The following CCDC88A variants were observed in gnomAD, a reference collection of about 807,000 sequenced individuals.
CCDC88A encodes the protein coiled-coil and HOOK domain protein 88A.
A neutral mutation model predicts 234.3 loss-of-function variants in CCDC88A; 54 were observed. That is an observed-to-expected ratio of 0.23 (90% CI 0.19 to 0.29). The LOEUF (loss-of-function observed/expected upper bound fraction) is 0.29, where lower values mean the gene tolerates loss of function less well. Among genes scored for constraint, CCDC88A ranks in the 10% least tolerant of loss-of-function variants. CCDC88A has a pLI of 1.00. For missense variants in CCDC88A, 1,832 were observed against 2,123.4 expected (o/e 0.86, Z 2.70); for synonymous variants, 753 against 737.8 (o/e 1.02, Z -0.33).
chr2:55,359,535 C>A (rs945397458), intron 7 of CCDC88A, among the ~76,000 whole-genome samples: 2 of 151,254 alleles, frequency 1.3e-5, no homozygotes, highest in African/African-American at 2.4e-5. Context: ...AATAATCTGA[C>A]GGGAAATGTT....
At chr2:55,376,268 A>G (rs758439109) in intron 3 of CCDC88A, among the ~76,000 whole-genome samples, 1 of 152,216 alleles carries the variant, frequency 6.6e-6, no homozygotes, top group East Asian at 1.9e-4. Context: ...ATATTAAGGA[A>G]TAACTATGAC....
At chr2:55,410,080 C>A (rs917845366) in intron 2 of CCDC88A, among the ~76,000 whole-genome samples, 12 of 152,106 alleles carry the variant, frequency 7.9e-5, no homozygotes, top group African/African-American at 2.7e-4. Flanking sequence ...GTGCCCAGAA[C>A]TTTGCAATTT....
chr2:55,349,288 T>C, intron 9 of CCDC88A: 1 of 489,636 alleles, frequency 2.0e-6, no homozygotes, highest in Non-Finnish European at 3.6e-6. Flanking sequence ...ACCTCAGTCC[T>C]AAGTAGCTCT....
intron 2 of CCDC88A, among the ~76,000 whole-genome samples, chr2:55,412,592 G>A (rs139571875): frequency 1.3e-5 from 2 of 152,134 alleles, no homozygotes; most frequent in African/African-American, 4.8e-5. Flanking sequence ...GATGATCTGA[G>A]GTAGAACAGT....
intron 2 of CCDC88A, among the ~76,000 whole-genome samples, chr2:55,414,128 A>G (rs1231294895): frequency 6.6e-6 from 1 of 152,218 alleles, no homozygotes; most frequent in Non-Finnish European, 1.5e-5. Context: ...GTTGAATCAT[A>G]AATAATAATT....
At chr2:55,400,188 G>T (rs1415375787) in intron 2 of CCDC88A, among the ~76,000 whole-genome samples, 1 of 151,942 alleles carries the variant, frequency 6.6e-6, no homozygotes, top group Non-Finnish European at 1.5e-5. Context: ...TTTTTATCAG[G>T]CTCTTTTTGA....
chr2:55,308,739 A>G (rs1681958764), intron 25 of CCDC88A, 70 bp downstream of exon 25: 2 of 1,113,032 alleles, frequency 1.8e-6, no homozygotes, highest in Non-Finnish European at 2.7e-6. Context: ...CCAAAGGACT[A>G]CTGAAGTTTT....
intron 17 of CCDC88A, among the ~76,000 whole-genome samples, chr2:55,326,558 G>T (rs1321837194): frequency 6.6e-6 from 1 of 152,154 alleles, no homozygotes; most frequent in Non-Finnish European, 1.5e-5. Context: ...AGCTGAAAGT[G>T]GAAGTCAATG....
Position 55,384,661 on chromosome 2 carries a change from A to T in CCDC88A, c.273+4117T>A, listed in dbSNP as rs13000605. On this transcript the variant is annotated intron_variant, in intron 3 of 32. Coordinates refer to ENST00000436346, the MANE Select transcript of CCDC88A (RefSeq NM_001365480.1). The stretch of plus-strand genomic sequence containing the variant: ...TATGTGTATATATACATATATATAT[A>T]TATATATTTTTTAAAGACAGAGTCT... 3.6e-5 allele frequency among the ~76,000 whole-genome samples: 4 copies of T among 110,720 alleles called. 1 individual carries two copies. Among genetic ancestry groups the T allele is most frequent in the African/African-American group, 1.8e-4 (4 of 21,626 alleles). 72.6% of individuals were successfully genotyped at this position (110,720 alleles called of 152,430 possible).
chr2:55,297,203 C>A (rs1680145683), intron 29 of CCDC88A: 1 of 138,178 alleles, frequency 7.2e-6, no homozygotes, highest in Non-Finnish European at 1.5e-5. Context: ...TAAAATGCCT[C>A]ACAATTTAGG....
At chr2:55,404,375 G>C (rs1027809442) in intron 2 of CCDC88A, 2 of 152,112 alleles carry the variant, frequency 1.3e-5, no homozygotes, top group Non-Finnish European at 2.9e-5. Context: ...CTATTAGTGA[G>C]AGTAGAATAA....
chr2:55,338,383 C>A (rs192389329), intron 13 of CCDC88A, among the ~76,000 whole-genome samples: 16 of 152,334 alleles, frequency 1.1e-4, no homozygotes, highest in African/African-American at 3.6e-4. Flanking sequence ...GATTCCAGGA[C>A]AGCAGGATGA....
chr2:55,362,530 C>A, intron 6 of CCDC88A, 82 bp from the exon 7 acceptor site: 1 of 1,166,668 alleles, frequency 8.6e-7, no homozygotes, highest in African/African-American at 1.6e-5. Context: ...AATATTAGCC[C>A]AAGTATTATA....
chr2:55,353,718 C>T (rs1196021822), intron 8 of CCDC88A, among the ~76,000 whole-genome samples: 2 of 117,332 alleles, frequency 1.7e-5, no homozygotes, highest in Non-Finnish European at 3.7e-5. Context: ...AAAATAAAAA[C>T]AAATCTCCAG....
At position 55,308,830 on chromosome 2, in the gene CCDC88A, A is replaced by G; in HGVS notation, c.4366T>C (p.Leu1456=). 1 of 1,613,948 alleles carries G rather than the reference A, an allele frequency of 6.2e-7. No individual in the cohort carries two copies. Among genetic ancestry groups the G allele is most frequent in the Non-Finnish European group, 8.5e-7 (1 of 1,179,814 alleles). ...GSNSLEDGQT[L]GTKKSSMVAL... is the part of the protein sequence containing the mutation. ...TCACTGCTGCTTTTCTTGGTCCCCA[A>G]GGTCTGGCCATCTTCTAAAGAGTTT... The change falls in exon 25 of 33, where the codon TTG becomes CTG. Residue 1456 remains leucine (L), a synonymous_variant. Transcript: ENST00000436346.
At chr2:55,293,371 G>C (rs1679658842) in intron 31 of CCDC88A, among the ~76,000 whole-genome samples, 1 of 152,078 alleles carries the variant, frequency 6.6e-6, no homozygotes, top group Non-Finnish European at 1.5e-5. Flanking sequence ...AAATATATTT[G>C]AAATGTCAGG....
chr2:55,365,869 G>A (rs761639552), intron 5 of CCDC88A, among the ~76,000 whole-genome samples: 85 of 152,202 alleles, frequency 5.6e-4, no homozygotes, highest in Admixed American at 7.2e-4. Flanking sequence ...TGCCCAATAC[G>A]GTGATCATTA....
At chr2:55,407,770 T>G (rs1679842645) in intron 2 of CCDC88A, among the ~76,000 whole-genome samples, 1 of 149,626 alleles carries the variant, frequency 6.7e-6, no homozygotes, top group Non-Finnish European at 1.5e-5. Context: ...CAGGCTGTAG[T>G]GCAGTGGCAT....
At chr2:55,414,210 G>A (rs368768908) in intron 2 of CCDC88A, among the ~76,000 whole-genome samples, 17 of 152,170 alleles carry the variant, frequency 1.1e-4, no homozygotes, top group South Asian at 6.2e-4. Context: ...ATTTTCAACC[G>A]TTTGGGTAAT....
Sources: gnomAD v4.1 joint callset for allele counts (sites outside exome capture counted in the v4.1 genomes callset) on GRCh38, gnomAD v4.1.1 for gene constraint, MANE v1.5 for transcripts, NCBI Gene and HGNC (gene_info 2026-07-23, HGNC 2026-07-21) for gene names.